The following KYNU variants were observed in gnomAD, a reference collection of about 807,000 sequenced individuals.
KYNU encodes the protein kynureninase.
KYNU carries 54 observed loss-of-function variants against 59.2 expected under a neutral mutation model. The ratio of observed to expected loss-of-function variants is 0.91; its 90% CI spans 0.73 to 1.14. The LOEUF is 1.14. KYNU is among the 50% of genes most tolerant of loss of function. KYNU has a pLI of 0.00. For synonymous variants in KYNU, 177 were observed against 192.0 expected (o/e 0.92, Z 0.65); for missense variants, 567 against 554.4 (o/e 1.02, Z -0.23).
chr2:142,906,007 CTCTCTCTCCTCTCTGTCTCTT>C (rs1682281786), intron 2 of KYNU, among the ~76,000 whole-genome samples: 1 of 152,018 alleles, frequency 6.6e-6, no homozygotes, highest in Non-Finnish European at 1.5e-5. Flanking sequence ...CTCTGTCTCT[CTCTCTCTCCTCTCTGTCTCTT>C]TCTCTCCCTT....
chr2:142,925,773 T>C (rs547618433), intron 3 of KYNU, among the ~76,000 whole-genome samples: 1 of 152,294 alleles, frequency 6.6e-6, no homozygotes, highest in Admixed American at 6.5e-5. Context: ...AGTGCTCTAG[T>C]CCTCTGGTCT....
In KYNU at chr2:143,048,724, A is replaced by G. The variant is rs1449093900; in HGVS notation, c.*6552A>G. 2.6e-5 allele frequency: 4 copies of G among 152,222 alleles called. No homozygotes were observed. In the South Asian group the frequency reaches 6.2e-4, roughly 24 times the overall value. The allele number at this position is 152,222 out of a possible 1,614,324, so 9.4% of individuals were successfully genotyped here. A position where few individuals can be genotyped will look rare whatever the true frequency, so the allele number is the denominator to read the frequency against. ...TTCAGGAAGTAGAAAATATTAAGTT[A>G]CAGTATTTTGGCTTCCATTACTGCT... On this transcript the variant is annotated 3_prime_UTR_variant, in exon 14 of 14. Coordinates refer to ENST00000264170, the MANE Select transcript of KYNU (RefSeq NM_003937.3).
At chr2:143,022,577 G>C (rs1686440371) in intron 10 of KYNU, among the ~76,000 whole-genome samples, 1 of 151,952 alleles carries the variant, frequency 6.6e-6, no homozygotes, top group Non-Finnish European at 1.5e-5. Flanking sequence ...CACTGAGCTA[G>C]TTTAAATAGC....
chr2:143,054,207 A>G lies in KYNU; in HGVS notation c.*12035A>G, dbSNP rs908805265. The G allele has an allele frequency of 2.0e-5, 3 of 152,102 alleles. No individual in the cohort carries two copies. Among genetic ancestry groups the G allele is most frequent in the Non-Finnish European group, 4.4e-5 (3 of 68,012 alleles). The allele number at this position is 152,102 out of a possible 1,614,324, so 9.4% of individuals were successfully genotyped here. ...AATTTTAGATTCTACAATATCTCCA[A>G]TTCTTCAGTTTATTCCCTCTTACTA... is the stretch of plus-strand genomic sequence containing the variant. On this transcript the variant is annotated 3_prime_UTR_variant, in exon 14 of 14. Transcript: ENST00000264170.
chr2:142,910,019 T>C (rs1050518691), intron 2 of KYNU, among the ~76,000 whole-genome samples: 1 of 152,212 alleles, frequency 6.6e-6, no homozygotes, highest in Non-Finnish European at 1.5e-5. Context: ...TGGTATCTCA[T>C]TGCAGTTTTG....
At chr2:142,998,314 T>G (rs1685603891) in intron 10 of KYNU, among the ~76,000 whole-genome samples, 1 of 152,204 alleles carries the variant, frequency 6.6e-6, no homozygotes, top group African/African-American at 2.4e-5. Context: ...TTTTTAATTT[T>G]ACTTCATTAG....
intron 4 of KYNU, among the ~76,000 whole-genome samples, chr2:142,932,827 G>A (rs959005689): frequency 2.0e-5 from 3 of 152,102 alleles, no homozygotes; most frequent in Admixed American, 6.5e-5. Context: ...AGGAGCTGCC[G>A]TCTACAAACC....
intron 8 of KYNU, among the ~76,000 whole-genome samples, chr2:142,964,933 C>T (rs988621489): frequency 6.6e-6 from 1 of 152,148 alleles, no homozygotes; most frequent in Middle Eastern, 3.2e-3. Flanking sequence ...TGTGCCAACC[C>T]ATCTTTTTGG....
intron 8 of KYNU, among the ~76,000 whole-genome samples, chr2:142,974,128 G>C (rs1482408004): frequency 6.6e-6 from 1 of 152,204 alleles, no homozygotes; most frequent in Non-Finnish European, 1.5e-5. Context: ...ACTCAGTTTA[G>C]AAGTCTATTA....
At chr2:142,992,641 C>T (rs1190123833) in intron 10 of KYNU, among the ~76,000 whole-genome samples, 1 of 151,736 alleles carries the variant, frequency 6.6e-6, no homozygotes, top group African/African-American at 2.4e-5. Flanking sequence ...CATACACACA[C>T]ACATACATCT....
At chr2:143,028,633 G>T (rs1433454202) in intron 10 of KYNU, among the ~76,000 whole-genome samples, 1 of 150,974 alleles carries the variant, frequency 6.6e-6, no homozygotes, top group African/African-American at 2.4e-5. Context: ...ATCACCTGAG[G>T]TCGGGAGTTC....
chr2:142,880,173 A>G (rs1029129227), intron 1 of KYNU, among the ~76,000 whole-genome samples: 3 of 152,248 alleles, frequency 2.0e-5, no homozygotes, highest in African/African-American at 7.2e-5. Flanking sequence ...TAAATTAAAC[A>G]TGATTCAGGC....
At chr2:142,926,856 T>G (rs959124202) in intron 3 of KYNU, among the ~76,000 whole-genome samples, 2 of 152,068 alleles carry the variant, frequency 1.3e-5, no homozygotes, top group South Asian at 4.1e-4. Flanking sequence ...TTAAATGTTA[T>G]AATCCCTGGA....
At chr2:142,955,451 C>G (rs1214946095) in intron 5 of KYNU, among the ~76,000 whole-genome samples, 1 of 151,974 alleles carries the variant, frequency 6.6e-6, no homozygotes, top group Admixed American at 6.6e-5. Flanking sequence ...ATCTTGACTT[C>G]ATTTTTTCAA....
chr2:142,972,661 C>A (rs560444597), intron 8 of KYNU, among the ~76,000 whole-genome samples: 1 of 152,032 alleles, frequency 6.6e-6, no homozygotes, highest in African/African-American at 2.4e-5. Flanking sequence ...ATTTAGCTGG[C>A]AAGTAAAGGC....
chr2:142,936,660 G>C (rs1224942086), intron 4 of KYNU, among the ~76,000 whole-genome samples: 1 of 152,174 alleles, frequency 6.6e-6, no homozygotes, highest in Non-Finnish European at 1.5e-5. Context: ...TTGGACCAAC[G>C]CTGGATTTTT....
intron 4 of KYNU, among the ~76,000 whole-genome samples, chr2:142,936,338 T>A (rs1319143611): frequency 6.6e-6 from 1 of 152,166 alleles, no homozygotes; most frequent in Non-Finnish European, 1.5e-5. Context: ...TTGTACTGCA[T>A]CCAGGCTATA....
chr2:142,949,689 C>T (rs1441297454), intron 4 of KYNU, among the ~76,000 whole-genome samples: 2 of 152,220 alleles, frequency 1.3e-5, no homozygotes, highest in Non-Finnish European at 2.9e-5. Flanking sequence ...CCTCCTAGCC[C>T]TCTGGGCTTG....
intron 2 of KYNU, among the ~76,000 whole-genome samples, chr2:142,893,928 G>A (rs1681790506): frequency 6.6e-6 from 1 of 152,160 alleles, no homozygotes; most frequent in African/African-American, 2.4e-5. Flanking sequence ...TGGGCAATAT[G>A]ATACCAGGCA....
Sources: allele counts gnomAD v4.1 joint callset (sites outside exome capture counted in the v4.1 genomes callset), GRCh38; gene constraint gnomAD v4.1.1; transcripts MANE v1.5; gene names NCBI Gene and HGNC (gene_info 2026-07-23, HGNC 2026-07-21).